Variants in LRFN5 observed in about 807,000 individuals in gnomAD.
The protein encoded by LRFN5 is leucine rich repeat and fibronectin type III domain containing 5, also known as leucine-rich repeat and fibronectin type-III domain-containing protein 5.
LRFN5 carries 24 observed loss-of-function variants against 45.6 expected under a neutral mutation model. That is an observed-to-expected ratio of 0.53 (90% CI 0.38 to 0.74). The LOEUF (loss-of-function observed/expected upper bound fraction) is 0.74, where lower values mean the gene tolerates loss of function less well. Ranked by LOEUF, LRFN5 falls within the 30% of genes least tolerant of loss-of-function variation. LRFN5 has a pLI of 0.00. For missense variants in LRFN5, 776 were observed against 861.5 expected (o/e 0.90, Z 1.24); for synonymous variants, 340 against 313.8 (o/e 1.08, Z -0.88).
intron 1 of LRFN5, among the ~76,000 whole-genome samples, chr14:41,759,448 T>TACACAC (rs569216156): frequency 2.2e-4 from 24 of 109,742 alleles, no homozygotes; most frequent in African/African-American, 6.2e-4. Flanking sequence ...TCTCTCTCTC[T>TACACAC]ACACACACAC....
At chr14:41,876,921 T>G (rs989355562) in intron 2 of LRFN5, among the ~76,000 whole-genome samples, 1 of 152,124 alleles carries the variant, frequency 6.6e-6, no homozygotes, top group African/African-American at 2.4e-5. Context: ...AAATGTAATT[T>G]AATTGTAAAG....
chr14:41,782,638 A>T (rs946824776), intron 2 of LRFN5, among the ~76,000 whole-genome samples: 12 of 152,148 alleles, frequency 7.9e-5, no homozygotes, highest in African/African-American at 2.9e-4. Context: ...ATTGAAGTAA[A>T]TAGGCCTTTA....
intron 1 of LRFN5, among the ~76,000 whole-genome samples, chr14:41,636,153 A>G (rs775876438): frequency 6.6e-6 from 1 of 152,150 alleles, no homozygotes; most frequent in Non-Finnish European, 1.5e-5. Flanking sequence ...GTATAATCAG[A>G]TATTGGTTCA....
intron 2 of LRFN5, among the ~76,000 whole-genome samples, chr14:41,877,134 T>G (rs1027021594): frequency 6.6e-6 from 1 of 152,194 alleles, no homozygotes; most frequent in Non-Finnish European, 1.5e-5. Context: ...TAAAACTGCC[T>G]TTTGTTTACT....
At chr14:41,664,036 C>G (rs1451412184) in intron 1 of LRFN5, among the ~76,000 whole-genome samples, 1 of 151,870 alleles carries the variant, frequency 6.6e-6, no homozygotes, top group Non-Finnish European at 1.5e-5. Context: ...TTAATAGTCT[C>G]AAGTGTTATA....
Position 41,891,456 on chromosome 14 carries a change from T to C in LRFN5, c.1592T>C (p.Ile531Thr), listed in dbSNP as rs146218561. The change falls in exon 4 of 6, where the codon ATT becomes ACT. Residue 531 changes from isoleucine (I) to threonine (T), a missense_variant. Ile to Thr is a moderately conservative substitution (Grantham distance 89). This residue lies in a region of LRFN5 where 465 missense variants were observed against 456.4 expected (regional missense o/e 1.02). Coordinates refer to ENST00000298119, the MANE Select transcript of LRFN5 (RefSeq NM_152447.5). ...QSQFLGGTMIIIIGGIIVASV... is the reference protein window; with the variant it reads ...QSQFLGGTMITIIGGIIVASV... ...CAGTTTTTGGGAGGCACCATGATTATTATTATTGGTGGAATCATTGTAGCA... is the reference window on the plus strand; with the variant it reads ...CAGTTTTTGGGAGGCACCATGATTACTATTATTGGTGGAATCATTGTAGCA... 21 of 1,614,020 alleles carry C rather than the reference T, an allele frequency of 1.3e-5. No individual in the cohort carries two copies. In the African/African-American group the frequency reaches 2.7e-4, roughly 21 times the overall value.
At chr14:41,614,010 T>C (rs1485314976) in intron 1 of LRFN5, among the ~76,000 whole-genome samples, 1 of 152,104 alleles carries the variant, frequency 6.6e-6, no homozygotes, top group Non-Finnish European at 1.5e-5. Flanking sequence ...TAATGTGATT[T>C]ACTAGTGGGG....
intron 1 of LRFN5, among the ~76,000 whole-genome samples, chr14:41,755,261 T>G (rs1379438495): frequency 6.6e-6 from 1 of 152,174 alleles, no homozygotes; most frequent in African/African-American, 2.4e-5. Flanking sequence ...GGTGGAGAGT[T>G]CTGTAGATGT....
At chr14:41,672,038 CAGA>C (rs1044401799) in intron 1 of LRFN5, among the ~76,000 whole-genome samples, 7 of 152,160 alleles carry the variant, frequency 4.6e-5, no homozygotes, top group Non-Finnish European at 8.8e-5. Context: ...TTCCATAAGC[CAGA>C]AGTTTAATCT....
At chr14:41,626,050 A>T (rs888842817) in intron 1 of LRFN5, among the ~76,000 whole-genome samples, 1 of 152,132 alleles carries the variant, frequency 6.6e-6, no homozygotes, top group African/African-American at 2.4e-5. Flanking sequence ...GGCAAAAAGT[A>T]GATGGGAGTA....
chr14:41,673,600 G>T (rs1389214809), intron 1 of LRFN5, among the ~76,000 whole-genome samples: 1 of 147,792 alleles, frequency 6.8e-6, no homozygotes, highest in Non-Finnish European at 1.5e-5. Context: ...CTCCCGGATG[G>T]GGCGGCTGGC....
chr14:41,842,089 C>CA (rs1888880187), intron 2 of LRFN5, among the ~76,000 whole-genome samples: 1 of 151,882 alleles, frequency 6.6e-6, no homozygotes, highest in African/African-American at 2.4e-5. Flanking sequence ...TTATACCACA[C>CA]AATTTGATAT....
intron 2 of LRFN5, among the ~76,000 whole-genome samples, chr14:41,783,985 G>T (rs1886628722): frequency 6.6e-6 from 1 of 151,964 alleles, no homozygotes; most frequent in Non-Finnish European, 1.5e-5. Flanking sequence ...CTTTCCACAA[G>T]CTTATTTTAC....
intron 1 of LRFN5, among the ~76,000 whole-genome samples, chr14:41,707,735 T>C (rs1320400617): frequency 6.6e-6 from 1 of 152,098 alleles, no homozygotes; most frequent in Non-Finnish European, 1.5e-5. Flanking sequence ...TTGATGTTTG[T>C]AAATAAAGTT....
At chr14:41,866,003 A>G (rs1258014788) in intron 2 of LRFN5, among the ~76,000 whole-genome samples, 2 of 152,100 alleles carry the variant, frequency 1.3e-5, no homozygotes, top group Admixed American at 6.6e-5. Flanking sequence ...TGATCTTGCA[A>G]GTTGTCATTT....
intron 1 of LRFN5, among the ~76,000 whole-genome samples, chr14:41,609,337 T>C (rs1261224948): frequency 3.9e-5 from 6 of 151,902 alleles, no homozygotes. Flanking sequence ...TTGTTGTTTG[T>C]TTGTTTGTTT....
chr14:41,836,750 C>A lies in LRFN5; in HGVS notation c.-20-49856C>A, dbSNP rs148500018. Among the ~76,000 whole-genome samples the A allele has an allele frequency of 1.9e-3, 295 of 152,200 alleles. 2 individuals are homozygous for A. The highest frequency in any genetic ancestry group is 6.7e-3 in the African/African-American group (277 of 41,524). On this transcript the variant is annotated intron_variant, in intron 2 of 5. Transcript: ENST00000298119. ...CTTCAGTATGAGTGTATGACTGCAC[C>A]TAAACAGGTTCATTCAGAGAGATAG...
chr14:41,667,414 T>A (rs1388479626), intron 1 of LRFN5, among the ~76,000 whole-genome samples: 1 of 152,190 alleles, frequency 6.6e-6, no homozygotes, highest in African/African-American at 2.4e-5. Context: ...GCCATAGCCA[T>A]GTTTGCTATA....
intron 2 of LRFN5, among the ~76,000 whole-genome samples, chr14:41,791,610 G>A (rs1187165655): frequency 6.6e-6 from 1 of 152,006 alleles, no homozygotes; most frequent in African/African-American, 2.4e-5. Flanking sequence ...TAGGTTGATA[G>A]TTTTTGTCAC....
Sources: allele counts gnomAD v4.1 joint callset (sites outside exome capture counted in the v4.1 genomes callset), GRCh38; gene constraint gnomAD v4.1.1; regional missense constraint gnomAD v4.1.1; transcripts MANE v1.5; gene names NCBI Gene and HGNC (gene_info 2026-07-23, HGNC 2026-07-21).